Variants in CTNNA1 observed in about 807,000 individuals in gnomAD.
CTNNA1 encodes the protein catenin alpha-1.
A neutral mutation model predicts 98.4 loss-of-function variants in CTNNA1; 37 were observed. The observed-to-expected ratio is 0.38, with a 90% CI of 0.29 to 0.49. CTNNA1 has a LOEUF of 0.49. Ranked by LOEUF, CTNNA1 falls within the 20% of genes least tolerant of loss-of-function variation. The pLI, the probability that CTNNA1 is intolerant of heterozygous loss-of-function variation, is 0.95. For missense variants in CTNNA1, 761 were observed against 1,147.2 expected (o/e 0.66, Z 4.86); for synonymous variants, 404 against 413.2 (o/e 0.98, Z 0.27).
chr5:138,848,886 G>A (rs1455406135), intron 7 of CTNNA1, among the ~76,000 whole-genome samples: 2 of 152,136 alleles, frequency 1.3e-5, no homozygotes, highest in Non-Finnish European at 2.9e-5. Context: ...ATCATACCCA[G>A]CTAATTTTTG....
chr5:138,893,702 C>T (rs1756035625), intron 9 of CTNNA1, among the ~76,000 whole-genome samples: 1 of 152,022 alleles, frequency 6.6e-6, no homozygotes, highest in African/African-American at 2.4e-5. Context: ...CGGCTCACTG[C>T]AACCTCCACC....
intron 13 of CTNNA1, among the ~76,000 whole-genome samples, chr5:138,928,866 C>T (rs1179561714): frequency 6.6e-6 from 1 of 151,672 alleles, no homozygotes; most frequent in Non-Finnish European, 1.5e-5. Context: ...ACCCGGGAGG[C>T]GGAGGTTGCA....
At chr5:138,810,897 G>A (rs1348217926) in intron 4 of CTNNA1, among the ~76,000 whole-genome samples, 68 of 147,600 alleles carry the variant, frequency 4.6e-4, no homozygotes, top group Middle Eastern at 3.7e-3. Context: ...CCTCCCGCAC[G>A]GGGCGGCTGG....
chr5:138,768,428 T>C (rs1753169762), intron 1 of CTNNA1, among the ~76,000 whole-genome samples: 1 of 144,612 alleles, frequency 6.9e-6, no homozygotes, highest in South Asian at 2.2e-4. Context: ...CCAGCTAAGC[T>C]TTTTTTTTTT....
chr5:138,777,676 T>G (rs967378717), intron 1 of CTNNA1, among the ~76,000 whole-genome samples: 7 of 151,522 alleles, frequency 4.6e-5, no homozygotes, highest in African/African-American at 1.7e-4. Flanking sequence ...GCTAACACAG[T>G]GAAACCCCGT....
At chr5:138,866,273 CATTTATTT>C (rs201730664) in intron 7 of CTNNA1, among the ~76,000 whole-genome samples, 21,080 of 138,460 alleles carry the variant, frequency 0.15, 1,967 homozygotes, top group Non-Finnish European at 0.21. Context: ...TGTTGTAACT[CATTTATTT>C]ATTTATTTAT....
At chr5:138,828,788 T>C (rs1760975392) in intron 7 of CTNNA1, among the ~76,000 whole-genome samples, 1 of 152,226 alleles carries the variant, frequency 6.6e-6, no homozygotes, top group Admixed American at 6.5e-5. Flanking sequence ...TTATCTTGTC[T>C]CTACCATACT....
chr5:138,776,511 C>T (rs1160280205), intron 1 of CTNNA1, among the ~76,000 whole-genome samples: 1 of 152,228 alleles, frequency 6.6e-6, no homozygotes, highest in South Asian at 2.1e-4. Flanking sequence ...CTTTTCTATT[C>T]CACAAAACCG....
intron 9 of CTNNA1, among the ~76,000 whole-genome samples, chr5:138,903,116 T>G (rs76445046): frequency 0.013 from 1,971 of 152,234 alleles, 49 homozygotes; most frequent in African/African-American, 0.04. Context: ...ACATCAGAGA[T>G]CTGACTTTCC....
intron 7 of CTNNA1, among the ~76,000 whole-genome samples, chr5:138,867,764 T>TG: frequency 6.6e-6 from 1 of 151,930 alleles, no homozygotes; most frequent in East Asian, 1.9e-4. Flanking sequence ...TTTTTTTCTT[T>TG]TTTTTTAAGA....
At chr5:138,775,170 G>C (rs1449498497) in intron 1 of CTNNA1, among the ~76,000 whole-genome samples, 1 of 152,134 alleles carries the variant, frequency 6.6e-6, no homozygotes. Context: ...AAGGTTCTGT[G>C]TTTTGTTTGT....
chr5:138,784,355 T>A (rs1406055018), intron 3 of CTNNA1, among the ~76,000 whole-genome samples: 1 of 152,252 alleles, frequency 6.6e-6, no homozygotes, highest in Non-Finnish European at 1.5e-5. Flanking sequence ...TTCATAGATC[T>A]TTCGTGCCTG....
At position 138,833,675 on chromosome 5, in the gene CTNNA1, G is replaced by A. The variant is rs564462249; in HGVS notation, c.1062+5957G>A. ...ACCAATAAGTAACCAACCAGCTAAG[G>A]TGAGTAGATGAGAGGTTAGGATCAA... On this transcript the variant is annotated intron_variant, in intron 7 of 17. Transcript: ENST00000302763. Among the ~76,000 whole-genome samples the A allele has an allele frequency of 2.6e-5, 4 of 152,290 alleles. No homozygotes were observed. In the South Asian group the frequency reaches 8.3e-4, roughly 32 times the overall value.
At chr5:138,802,422 C>G (rs1757672981) in intron 3 of CTNNA1, among the ~76,000 whole-genome samples, 3 of 152,128 alleles carry the variant, frequency 2.0e-5, no homozygotes, top group Admixed American at 1.3e-4. Flanking sequence ...GATTCTCCTA[C>G]CTTGACCTCC....
Position 138,812,118 on chromosome 5 carries a change from A to T in CTNNA1, c.469-65A>T, listed in dbSNP as rs1005221560. 6.9e-6 allele frequency: 10 copies of T among 1,456,702 alleles called. No individual in the cohort carries two copies. In the African/African-American group the frequency reaches 1.0e-4, roughly 15 times the overall value. 90.2% of individuals were successfully genotyped at this position (1,456,702 alleles called of 1,614,324 possible). On this transcript the variant is annotated intron_variant, in intron 4 of 17. Transcript: ENST00000302763. ...GTTAACAGGAATGAAAATTCCTAGG[A>T]TGCCATCTTCTTTACAGACCTACAT...
chr5:138,787,528 C>G (rs1755844378), intron 3 of CTNNA1, among the ~76,000 whole-genome samples: 1 of 152,152 alleles, frequency 6.6e-6, no homozygotes, highest in African/African-American at 2.4e-5. Context: ...TGGCTGTGTT[C>G]TAATAACATT....
chr5:138,777,926 G>A (rs1580953304), intron 1 of CTNNA1, among the ~76,000 whole-genome samples: 1 of 75,120 alleles, frequency 1.3e-5, no homozygotes, highest in Non-Finnish European at 2.6e-5. Flanking sequence ...GGGGAGGAGG[G>A]AGAGGGGGAG....
intron 3 of CTNNA1, among the ~76,000 whole-genome samples, chr5:138,806,059 G>A (rs1050661800): frequency 3.3e-5 from 5 of 152,160 alleles, no homozygotes; most frequent in Non-Finnish European, 4.4e-5. Flanking sequence ...AATTTTGTAA[G>A]TATATGGTGT....
chr5:138,887,387 A>G (rs541097856), intron 8 of CTNNA1, 103 bp from the exon 9 acceptor site: 26 of 802,068 alleles, frequency 3.2e-5, no homozygotes, highest in Middle Eastern at 3.7e-4. Context: ...CAGCAAGTCT[A>G]CCGTAAGCTT....
Sources: gnomAD v4.1 joint callset for allele counts (sites outside exome capture counted in the v4.1 genomes callset) on GRCh38, gnomAD v4.1.1 for gene constraint, MANE v1.5 for transcripts, NCBI Gene and HGNC (gene_info 2026-07-23, HGNC 2026-07-21) for gene names.